OPTC: variants seen among roughly 807,000 people sequenced by gnomAD.
The protein encoded by OPTC is oculoglycan.
In OPTC, 22 loss-of-function variants were observed where a neutral mutation model predicts 25.4. The observed-to-expected ratio is 0.87, with a 90% CI of 0.62 to 1.24. OPTC has a LOEUF of 1.24. OPTC is among the 50% of genes most tolerant of loss of function. OPTC has a pLI of 0.00. For missense variants in OPTC, 417 were observed against 425.2 expected, an observed-to-expected ratio of 0.98 and a Z score of 0.17; for synonymous variants, 169 against 179.3, an observed-to-expected ratio of 0.94 and a Z score of 0.46.
chr1:203,498,595 C>G, intron 3 of OPTC, 86 bp from the exon 4 acceptor site: 1 of 1,539,538 alleles, frequency 6.5e-7, no homozygotes, highest in Non-Finnish European at 9.0e-7. Flanking sequence ...CACAGATGGC[C>G]ATGGTTCAGA....
chr1:203,499,676 A>G lies in OPTC; in HGVS notation c.557A>G (p.Asn186Ser), dbSNP rs986674061. 1.9e-6 allele frequency: 3 copies of G among 1,613,420 alleles called. No individual in the cohort carries two copies. The African/African-American group carries it at 4.0e-5, about 22-fold the overall frequency. ...AAGTTGAAGAGGATTGACCTCTCCA[A>G]CAACCTCATTTCCTCCATCGATAAT... ...LTKLKRIDLS[N>S]NLISSIDNDA... Residue 186 changes from asparagine (N) to serine (S), a missense_variant, in exon 5 of 8, where the codon AAC (asparagine) becomes AGC (serine). By Grantham distance (46) the Asn-to-Ser change is conservative (BLOSUM62 1). Transcript: ENST00000367222.
intron 6 of OPTC, among the ~76,000 whole-genome samples, 156 bp downstream of exon 6, chr1:203,503,165 G>A (rs758394845): frequency 2.0e-4 from 31 of 152,184 alleles, no homozygotes; most frequent in Non-Finnish European, 3.8e-4. Context: ...GGGAGGTCTT[G>A]TCTAAATAGT....
chr1:203,503,070 A>G, intron 6 of OPTC, 61 bp downstream of exon 6: 1 of 1,355,468 alleles, frequency 7.4e-7, no homozygotes, highest in Non-Finnish European at 1.0e-6. Context: ...GTTAGATACC[A>G]GGAGCAGGTC....
At chr1:203,507,685 G>A (rs1054080639) in intron 7 of OPTC, among the ~76,000 whole-genome samples, 9 of 152,094 alleles carry the variant, frequency 5.9e-5, no homozygotes, top group East Asian at 1.9e-4. Context: ...CCTCCTCTCC[G>A]TGAGAGAAAG....
rs770898183 is a variant in OPTC at position 203,498,826 on chromosome 1, C to T, written c.516C>T (p.Asp172=). The change falls in exon 4 of 8, where the codon GAC becomes GAT. Residue 172 remains aspartate, a synonymous_variant. Transcript: ENST00000367222. The part of the protein sequence containing the change: ...FNRISRIRAE[D]FKGLTKLKRI... ...GCATCAGCCGTATCAGGGCCGAAGA[C>T]TTCAAAGGGCTGAGTATGTAATGCC... is the stretch of plus-strand genomic sequence containing the variant. 1.2e-6 allele frequency: 2 copies of T among 1,613,854 alleles called. No individual in the cohort carries two copies. Among genetic ancestry groups the T allele is most frequent in the African/African-American group, 2.7e-5 (2 of 74,930 alleles).
chr1:203,498,861 G>A, intron 4 of OPTC, 22 bp downstream of exon 4: 1 of 1,613,188 alleles, frequency 6.2e-7, no homozygotes, highest in East Asian at 2.2e-5. Flanking sequence ...CCTGGGAAAA[G>A]AGGAGTGGGG....
At chr1:203,495,626 G>C (rs958198901) in intron 1 of OPTC, among the ~76,000 whole-genome samples, 1 of 152,194 alleles carries the variant, frequency 6.6e-6, no homozygotes, top group African/African-American at 2.4e-5. Context: ...GTTTAAGAGA[G>C]GACATCTGTG....
rs563558413 is a variant in OPTC at position 203,496,899 on chromosome 1, C to T, written c.232-78C>T. On this transcript the variant is annotated intron_variant, in intron 2 of 7. Coordinates refer to ENST00000367222, the MANE Select transcript of OPTC (RefSeq NM_014359.4). ...CTCTTTGCTGGTTTGAAATCCATCA[C>T]TGAGGTTCCCAGAGTCCAAAGTTAA... is the stretch of plus-strand genomic sequence containing the variant. 4.3e-5 allele frequency: 64 copies of T among 1,481,720 alleles called. 2 individuals are homozygous for T. In the South Asian group the frequency reaches 6.9e-4, roughly 16 times the overall value. The allele number at this position is 1,481,720 out of a possible 1,614,324, so 91.8% of individuals were successfully genotyped here. A position where few individuals can be genotyped will look rare whatever the true frequency, so the allele number is the denominator to read the frequency against.
chr1:203,495,869 G>C (rs565574670), intron 1 of OPTC, 96 bp from the exon 2 acceptor site: 2 of 695,964 alleles, frequency 2.9e-6, no homozygotes, highest in Admixed American at 2.0e-5. Flanking sequence ...CTGCAAGTGT[G>C]GGGGTGGGAA....
Position 203,503,539 on chromosome 1 carries a change from G to A in OPTC, c.829-11G>A. 6.2e-7 allele frequency: 1 copy of A among 1,613,076 alleles called. No individual in the cohort carries two copies. The highest frequency in any genetic ancestry group is 8.5e-7 in the Non-Finnish European group (1 of 1,179,966). ...TCTTGGTGAGGCTCAGCTGGTATGT[G>A]TTCTTCCCAGAATAACCTGATAGAG... On this transcript the variant is annotated splice_polypyrimidine_tract_variant and intron_variant, in intron 6 of 7. Coordinates refer to ENST00000367222, the MANE Select transcript of OPTC (RefSeq NM_014359.4).
At position 203,503,179 on chromosome 1, in the gene OPTC, C is replaced by T. The variant is rs528511937; in HGVS notation, c.828+170C>T. ...TGGGAGGTCTTGTCTAAATAGTTGT[C>T]CATGACCCCAGTTTGATTTTCTCCA... On this transcript the variant is annotated intron_variant, in intron 6 of 7. Transcript: ENST00000367222. Among the ~76,000 whole-genome samples the T allele has an allele frequency of 2.6e-5, 4 of 152,290 alleles. No individual in the cohort carries two copies. The East Asian group carries it at 7.7e-4, about 29-fold the overall frequency.
At chr1:203,499,569 G>A (rs1443391562) in intron 4 of OPTC, 80 bp from the exon 5 acceptor site, 10 of 1,148,170 alleles carry the variant, frequency 8.7e-6, no homozygotes, top group Non-Finnish European at 1.2e-5. Flanking sequence ...ATGGAGCAAG[G>A]TGTGGAGACA....
At chr1:203,497,258 G>A (rs1048186785) in intron 3 of OPTC, 143 bp downstream of exon 3, 4 of 823,042 alleles carry the variant, frequency 4.9e-6, no homozygotes, top group South Asian at 4.3e-5. Flanking sequence ...GGGAGAGAAG[G>A]GGAAATAGCC....
At chr1:203,500,034 GCCACCACCACCA>G (rs1309267027) in intron 5 of OPTC, among the ~76,000 whole-genome samples, 183 bp downstream of exon 5, 1 of 3,972 alleles carries the variant, frequency 2.5e-4, no homozygotes, top group Non-Finnish European at 4.9e-4. Flanking sequence ...ACCTACCACC[GCCACCACCACCA>G]CCTACCTCCA....
Position 203,496,028 on chromosome 1 carries a change from G to C in OPTC, c.23G>C (p.Ser8Thr), listed in dbSNP as rs143930714. The C allele has an allele frequency of 6.2e-7, 1 of 1,613,260 alleles. No homozygotes were observed. The highest frequency in any genetic ancestry group is 1.3e-5 in the African/African-American group (1 of 74,912). ...CCCATGAGGCTCCTGGCTTTCCTGA[G>C]TCTGCTGGCCTTGGTGCTGCAGGAG... MRLLAFL[S>T]LLALVLQETG... The change falls in exon 2 of 8, where the codon AGT (serine) becomes ACT (threonine). Residue 8 changes from serine (S) to threonine (T), a missense_variant. Coordinates refer to ENST00000367222, the MANE Select transcript of OPTC (RefSeq NM_014359.4).
chr1:203,504,150 C>G (rs1384184251), intron 7 of OPTC, among the ~76,000 whole-genome samples: 1 of 152,130 alleles, frequency 6.6e-6, no homozygotes, highest in Non-Finnish European at 1.5e-5. Context: ...CTTGCAGGAA[C>G]CGATTACTAA....
intron 5 of OPTC, among the ~76,000 whole-genome samples, chr1:203,501,066 A>G (rs959471218): frequency 2.0e-5 from 3 of 152,106 alleles, no homozygotes; most frequent in African/African-American, 7.2e-5. Context: ...CTGATGAATC[A>G]TTGTCTTTCT....
chr1:203,508,447 C>T (rs1242100822), intron 7 of OPTC, among the ~76,000 whole-genome samples, 199 bp from the exon 8 acceptor site: 3 of 152,272 alleles, frequency 2.0e-5, no homozygotes, highest in East Asian at 1.9e-4. Context: ...ATCTCTGCCG[C>T]ACCCCTACAT....
chr1:203,508,714 C>A lies in OPTC; in HGVS notation c.*94C>A, dbSNP rs1486978056. The A allele has an allele frequency of 6.6e-6, 1 of 152,274 alleles. No homozygotes were observed. Among genetic ancestry groups the A allele is most frequent in the African/African-American group, 2.4e-5 (1 of 41,452 alleles). The allele number at this position is 152,274 out of a possible 1,614,324, so 9.4% of individuals were successfully genotyped here. A position where few individuals can be genotyped will look rare whatever the true frequency, so the allele number is the denominator to read the frequency against. On this transcript the variant is annotated 3_prime_UTR_variant, in exon 8 of 8. Transcript: ENST00000367222. ...CATCTCACACGCCTCCCTCCTGTGG[C>A]CGCCGGCAGCATGGACAAAGGTCTC...
Sources: gnomAD v4.1 joint callset for allele counts (sites outside exome capture counted in the v4.1 genomes callset) on GRCh38, gnomAD v4.1.1 for gene constraint, MANE v1.5 for transcripts, NCBI Gene and HGNC (gene_info 2026-07-23, HGNC 2026-07-21) for gene names.